Variants in GALNT13 observed in about 807,000 individuals in gnomAD.
GALNT13 encodes the protein UDP-GalNAc:polypeptide N-acetylgalactosaminyltransferase 13.
Under a neutral mutation model 64.2 loss-of-function variants are expected in GALNT13, and 28 were observed. That is an observed-to-expected ratio of 0.44 (90% confidence interval 0.32 to 0.60). The LOEUF is 0.60. Among genes scored for constraint, GALNT13 ranks in the 20% least tolerant of loss-of-function variants. GALNT13 has a pLI of 0.05. For missense variants in GALNT13, 577 were observed against 669.8 expected, an observed-to-expected ratio of 0.86 and a Z score of 1.53; for synonymous variants, 214 against 224.6, an observed-to-expected ratio of 0.95 and a Z score of 0.42.
the GALNT13 span, among the ~76,000 whole-genome samples, chr2:153,575,614 T>C: frequency 2.6e-5 from 4 of 152,144 alleles, no homozygotes; most frequent in African/African-American, 9.6e-5. Flanking sequence ...TTCACTCCCC[T>C]TTCTAAAGGC....
chr2:154,267,202 G>A (rs556817778), intron 8 of GALNT13, among the ~76,000 whole-genome samples: 8 of 152,034 alleles, frequency 5.3e-5, no homozygotes, highest in Non-Finnish European at 1.2e-4. Context: ...AATTCAAAAT[G>A]TAAAAATATA....
chr2:154,083,469 G>A lies in GALNT13; in HGVS notation c.143-56868G>A, dbSNP rs1701380287. ...TGAAGAAAGACAATGGTGGCTTGATGCGGATGGCATTGAATCTATAAATTA... is the reference window on the plus strand; with the variant it reads ...TGAAGAAAGACAATGGTGGCTTGATACGGATGGCATTGAATCTATAAATTA... On this transcript the variant is annotated intron_variant, in intron 3 of 12. Transcript: ENST00000392825. Among the ~76,000 whole-genome samples, 3 of 151,942 alleles carry A rather than the reference G, an allele frequency of 2.0e-5. No homozygotes were observed. In the South Asian group the frequency reaches 6.2e-4, roughly 31 times the overall value.
the GALNT13 span, among the ~76,000 whole-genome samples, chr2:153,156,828 G>A: frequency 3.9e-5 from 6 of 152,128 alleles, no homozygotes; most frequent in Non-Finnish European, 8.8e-5. Flanking sequence ...ATTGCATGGA[G>A]GTAAAGACTT....
At chr2:154,432,538 G>T (rs1309818891) in intron 11 of GALNT13, among the ~76,000 whole-genome samples, 2 of 152,178 alleles carry the variant, frequency 1.3e-5, no homozygotes, top group Admixed American at 1.3e-4. Context: ...GAAATTTATT[G>T]TCTTATAGTT....
chr2:153,290,647 TTCTTTGTAGAATAACTACTG>T, the GALNT13 span, among the ~76,000 whole-genome samples: 2 of 152,236 alleles, frequency 1.3e-5, no homozygotes, highest in Non-Finnish European at 2.9e-5. Context: ...ATGTCCAGTA[TTCTTTGTAGAATAACTACTG>T]AGGACAAGAC....
At chr2:153,573,126 G>C in the GALNT13 span, among the ~76,000 whole-genome samples, 4 of 151,906 alleles carry the variant, frequency 2.6e-5, no homozygotes, top group Non-Finnish European at 5.9e-5. Flanking sequence ...GTGCTCCAGT[G>C]TTGGGTGCAT....
chr2:154,135,886 T>G lies in GALNT13; in HGVS notation c.143-4451T>G, dbSNP rs138297945. 3.8e-3 allele frequency among the ~76,000 whole-genome samples: 583 copies of G among 152,240 alleles called. 7 individuals carry two copies. Among genetic ancestry groups the G allele is most frequent in the African/African-American group, 0.014 (561 of 41,550 alleles). ...TAATTATCCTTGATAAACTAGAGCCTTTGGACTGGCAAAAGAGCATGATCT... is the reference window on the plus strand; with the variant it reads ...TAATTATCCTTGATAAACTAGAGCCGTTGGACTGGCAAAAGAGCATGATCT... On this transcript the variant is annotated intron_variant, in intron 3 of 12. Coordinates refer to ENST00000392825, the MANE Select transcript of GALNT13 (RefSeq NM_052917.4).
chr2:153,802,518 A>C, the GALNT13 span, among the ~76,000 whole-genome samples: 17 of 152,316 alleles, frequency 1.1e-4, no homozygotes, highest in African/African-American at 3.8e-4. Context: ...GTTCTATATA[A>C]TCTCCAGGCT....
chr2:154,107,606 A>G (rs931802807), intron 3 of GALNT13, among the ~76,000 whole-genome samples: 2 of 150,364 alleles, frequency 1.3e-5, no homozygotes, highest in African/African-American at 4.9e-5. Flanking sequence ...AAAAAAAAAG[A>G]AAGAAAAGAA....
the GALNT13 span, among the ~76,000 whole-genome samples, chr2:153,318,806 A>G: frequency 2.0e-5 from 3 of 152,352 alleles, no homozygotes; most frequent in South Asian, 4.1e-4. Context: ...TCTAGAAATC[A>G]TTTTGTGATA....
chr2:154,390,681 A>G (rs1441469078), intron 9 of GALNT13, among the ~76,000 whole-genome samples: 1 of 150,226 alleles, frequency 6.7e-6, no homozygotes, highest in Non-Finnish European at 1.5e-5. Context: ...TAAAAAAAAT[A>G]GGAGCCCATA....
chr2:153,971,635 A>G (rs1693747603), intron 3 of GALNT13, among the ~76,000 whole-genome samples: 2 of 152,168 alleles, frequency 1.3e-5, no homozygotes, highest in African/African-American at 4.8e-5. Flanking sequence ...AAATTTATAG[A>G]GAAAGCATGA....
At chr2:153,246,323 G>C in the GALNT13 span, among the ~76,000 whole-genome samples, 77 of 152,254 alleles carry the variant, frequency 5.1e-4, no homozygotes, top group African/African-American at 1.5e-3. Context: ...TCCTCGAAGA[G>C]ATCAAGCCCA....
At chr2:153,602,310 C>T in the GALNT13 span, among the ~76,000 whole-genome samples, 2 of 151,778 alleles carry the variant, frequency 1.3e-5, no homozygotes, top group Non-Finnish European at 2.9e-5. Context: ...TCCCTGCTTT[C>T]ACGGTGTCTG....
At chr2:154,442,355 A>G (rs1701342555) in intron 12 of GALNT13, among the ~76,000 whole-genome samples, 1 of 152,090 alleles carries the variant, frequency 6.6e-6, no homozygotes, top group Non-Finnish European at 1.5e-5. Flanking sequence ...TCTTTGGTCA[A>G]CTTTGATTTC....
chr2:153,257,359 C>CCCTAGTGAGAT, the GALNT13 span, among the ~76,000 whole-genome samples: 2 of 152,010 alleles, frequency 1.3e-5, no homozygotes, highest in Admixed American at 1.3e-4. Context: ...GTCTGGCACT[C>CCCTAGTGAGAT]CCTAGTGAGA....
chr2:153,226,745 A>G, the GALNT13 span, among the ~76,000 whole-genome samples: 121 of 152,360 alleles, frequency 7.9e-4, no homozygotes, highest in African/African-American at 2.7e-3. Flanking sequence ...GCATCCTGAT[A>G]TGGCACTAAA....
chr2:153,546,810 T>C, the GALNT13 span, among the ~76,000 whole-genome samples: 1 of 152,214 alleles, frequency 6.6e-6, no homozygotes, highest in African/African-American at 2.4e-5. Flanking sequence ...ACTGAAGGTC[T>C]TCTGTGTTTT....
the GALNT13 span, among the ~76,000 whole-genome samples, chr2:153,252,682 C>G: frequency 1.3e-5 from 2 of 152,198 alleles, no homozygotes; most frequent in Non-Finnish European, 2.9e-5. Context: ...TTTCAGCTTT[C>G]TCCATATGGC....
Sources: allele counts gnomAD v4.1 joint callset (sites outside exome capture counted in the v4.1 genomes callset), GRCh38; gene constraint gnomAD v4.1.1; transcripts MANE v1.5; gene names NCBI Gene and HGNC (gene_info 2026-07-23, HGNC 2026-07-21).